AXIN2: variants seen among roughly 807,000 people sequenced by gnomAD.
AXIN2 encodes the protein axin 2, also known as axin-2.
Under a neutral mutation model 74.7 loss-of-function variants are expected in AXIN2, and 21 were observed. The observed-to-expected ratio is 0.28, with a 90% CI of 0.20 to 0.40. The LOEUF is 0.40. Ranked by LOEUF, AXIN2 falls within the 10% of genes least tolerant of loss-of-function variation. The pLI, the probability that AXIN2 is intolerant of heterozygous loss-of-function variation, is 1.00. For missense variants in AXIN2, 1,144 were observed against 1,111.1 expected (o/e 1.03, Z -0.42); for synonymous variants, 532 against 454.9 (o/e 1.17, Z -2.16).
chr17:65,555,353 C>T (rs1309888012), intron 2 of AXIN2, among the ~76,000 whole-genome samples: 2 of 152,102 alleles, frequency 1.3e-5, no homozygotes, highest in Non-Finnish European at 2.9e-5. Flanking sequence ...AAGGGGGGAA[C>T]TTAAACCTTA....
intron 8 of AXIN2, 83 bp downstream of exon 8, chr17:65,536,233 AAGAG>A (rs1165791889): frequency 1.1e-5 from 15 of 1,370,376 alleles, no homozygotes; most frequent in Non-Finnish European, 1.5e-5. Flanking sequence ...CCCAGGCAGA[AAGAG>A]AGGCCCTCCC....
intron 10 of AXIN2, among the ~76,000 whole-genome samples, chr17:65,530,975 C>A (rs541421381): frequency 6.6e-6 from 1 of 152,352 alleles, no homozygotes; most frequent in East Asian, 1.9e-4. Flanking sequence ...AGGCCCACCC[C>A]TAAACCCCTT....
intron 2 of AXIN2, among the ~76,000 whole-genome samples, chr17:65,551,098 G>C (rs1329683270): frequency 6.6e-6 from 1 of 152,172 alleles, no homozygotes; most frequent in African/African-American, 2.4e-5. Context: ...AGTTCTCACA[G>C]AATAAAAAGC....
In AXIN2 at chr17:65,561,569, T is replaced by C. The variant is rs2044377047; in HGVS notation, c.-236A>G. On this transcript the variant is annotated 5_prime_UTR_variant, in exon 1 of 11. Transcript: ENST00000307078. ...CTGTTACTGAGTTGCCAGGACCTTA[T>C]CAAAGCGCAGCCGGCTCCAGCCGAC... The C allele has an allele frequency of 6.6e-6, 1 of 151,156 alleles. No individual in the cohort carries two copies. Among genetic ancestry groups the C allele is most frequent in the South Asian group, 1.8e-4 (1 of 5,414 alleles). 9.4% of individuals were successfully genotyped at this position (151,156 alleles called of 1,614,324 possible).
intron 10 of AXIN2, among the ~76,000 whole-genome samples, chr17:65,532,033 A>C (rs1732861420): frequency 6.6e-6 from 1 of 152,168 alleles, no homozygotes; most frequent in South Asian, 2.1e-4. Context: ...GTCCTACCCC[A>C]GGAGGACACT....
chr17:65,544,357 G>T (rs1012602076), intron 3 of AXIN2, among the ~76,000 whole-genome samples: 2 of 151,250 alleles, frequency 1.3e-5, no homozygotes, highest in South Asian at 4.2e-4. Flanking sequence ...GATTTCATAA[G>T]CACCTCATAC....
Position 65,550,867 on chromosome 17 carries a change from G to A in AXIN2, c.816-1207C>T, listed in dbSNP as rs137974968. 1.6e-3 allele frequency among the ~76,000 whole-genome samples: 247 copies of A among 152,286 alleles called. 1 individual carries two copies. The highest frequency in any genetic ancestry group is 7.1e-3 in the Admixed American group (108 of 15,302). ...CCTGGTGGGGGCATGTCACCATACTGTGGGGGTGTCATGAGGGAGGTACGC... is the reference window on the plus strand; with the variant it reads ...CCTGGTGGGGGCATGTCACCATACTATGGGGGTGTCATGAGGGAGGTACGC... On this transcript the variant is annotated intron_variant, in intron 2 of 10. Coordinates refer to ENST00000307078, the MANE Select transcript of AXIN2 (RefSeq NM_004655.4).
At chr17:65,557,700 CAACAGACCTGTCAG>C in intron 2 of AXIN2, 92 bp downstream of exon 2, 1 of 1,222,420 alleles carries the variant, frequency 8.2e-7, no homozygotes, top group South Asian at 1.3e-5. Context: ...AGTCCTAACT[CAACAGACCTGTCAG>C]TCTCTGCAGC....
chr17:65,537,790 C>T lies in AXIN2; in HGVS notation c.1246G>A (p.Gly416Arg). The T allele has an allele frequency of 6.3e-7, 1 of 1,588,636 alleles. No homozygotes were observed. Among genetic ancestry groups the T allele is most frequent in the Non-Finnish European group, 8.6e-7 (1 of 1,167,732 alleles). Reference protein sequence around the residue: ...GSELTLNSREGAPTQHPLSLL... With the variant: ...GSELTLNSRERAPTQHPLSLL... ...GAGAGGGGGTGCTGCGTGGGCGCCC[C>T]CTCCCGCGAATTGAGTGTGAGCTCG... is the stretch of plus-strand genomic sequence containing the variant. Residue 416 changes from glycine (G) to arginine (R), a missense_variant, in exon 6 of 11, where the codon GGG becomes AGG. By Grantham distance (125) the Gly-to-Arg change is moderately radical. Coordinates refer to ENST00000307078, the MANE Select transcript of AXIN2 (RefSeq NM_004655.4).
chr17:65,534,935 GA>G (rs1195741749), intron 9 of AXIN2, among the ~76,000 whole-genome samples: 1 of 147,598 alleles, frequency 6.8e-6, no homozygotes, highest in Non-Finnish European at 1.5e-5. Flanking sequence ...GTCTCAAAAA[GA>G]AAAAAAAAAG....
In AXIN2 at chr17:65,537,384, C is replaced by G; in HGVS notation, c.1652G>C (p.Cys551Ser). The part of the protein sequence containing the change: ...CFCPGGSEYY[C>S]YSKCKSHSKA... ...GGAGTGGCTTTTGCATTTCGAGTAG[C>G]AGTAATACTCGCTGCCCCCAGGGCA... The change falls in exon 6 of 11, where the codon TGC becomes TCC. Residue 551 changes from cysteine to serine, a missense_variant. This residue lies in a region of AXIN2 where 1,053 missense variants were observed against 973.5 expected (regional missense o/e 1.08). Transcript: ENST00000307078. The G allele has an allele frequency of 1.2e-6, 2 of 1,614,080 alleles. No individual in the cohort carries two copies. The highest frequency in any genetic ancestry group is 1.7e-6 in the Non-Finnish European group (2 of 1,180,022).
chr17:65,550,264 G>A (rs2044172293), intron 2 of AXIN2, among the ~76,000 whole-genome samples: 1 of 152,120 alleles, frequency 6.6e-6, no homozygotes, highest in African/African-American at 2.4e-5. Context: ...TCCCACCTGT[G>A]AGCTCTGCCA....
rs1272971600 is a variant in AXIN2, at chr17:65,557,916, A to G, written c.705T>C (p.Thr235=). The change falls in exon 2 of 11, where the codon ACT becomes ACC. Residue 235 remains threonine, a synonymous_variant. Coordinates refer to ENST00000307078, the MANE Select transcript of AXIN2 (RefSeq NM_004655.4). ...LPTLNEEEEW[T]CADFKCKLSP... ...AAAGTTTGCACTTGAAGTCGGCACA[A>G]GTCCACTCCTCTTCTTCATTCAAGG... is the stretch of plus-strand genomic sequence containing the variant. 1 of 1,614,194 alleles carries G rather than the reference A, an allele frequency of 6.2e-7. No individual in the cohort carries two copies.
At chr17:65,538,539 C>T (rs1200193572) in intron 4 of AXIN2, among the ~76,000 whole-genome samples, 196 bp from the exon 5 acceptor site, 1 of 151,818 alleles carries the variant, frequency 6.6e-6, no homozygotes, top group Non-Finnish European at 1.5e-5. Flanking sequence ...ATGGTCCCCA[C>T]CAGCGTTTGC....
At chr17:65,537,151 G>A (rs1209259268) in intron 6 of AXIN2, 88 bp from the exon 7 acceptor site, 23 of 1,554,970 alleles carry the variant, frequency 1.5e-5, no homozygotes, top group South Asian at 7.9e-5. Flanking sequence ...AAGTCGGGGG[G>A]CTGGTGACAC....
Position 65,537,771 on chromosome 17 carries a change from G to A in AXIN2, c.1265C>T (p.Pro422Leu). The A allele has an allele frequency of 6.3e-7, 1 of 1,587,008 alleles. No individual in the cohort carries two copies. Among genetic ancestry groups the A allele is most frequent in the Non-Finnish European group, 8.6e-7 (1 of 1,166,408 alleles). ...GCTGCCGGAGGGCAGTAGGGAGAGG[G>A]GGTGCTGCGTGGGCGCCCCCTCCCG... The part of the protein sequence containing the change: ...NSREGAPTQH[P>L]LSLLPSGSYE... The change falls in exon 6 of 11, where the codon CCC becomes CTC. Residue 422 changes from proline (P) to leucine (L), a missense_variant. Pro to Leu is a moderately conservative substitution (Grantham distance 98). Around this residue, in one of 4 missense-constraint regions of AXIN2, gnomAD observed 1,053 missense variants for 973.5 expected, o/e 1.08. Transcript: ENST00000307078.
chr17:65,547,851 CTT>C (rs2044138110), intron 3 of AXIN2, among the ~76,000 whole-genome samples: 1 of 152,126 alleles, frequency 6.6e-6, no homozygotes, highest in Admixed American at 6.5e-5. Flanking sequence ...AAAAGAGAAA[CTT>C]TTCAAAGGGG....
At chr17:65,551,173 T>A (rs1027655454) in intron 2 of AXIN2, among the ~76,000 whole-genome samples, 1 of 151,992 alleles carries the variant, frequency 6.6e-6, no homozygotes, top group Non-Finnish European at 1.5e-5. Context: ...GAGGGACAGT[T>A]GGGGACGGCT....
chr17:65,559,798 C>T (rs2044335346), intron 1 of AXIN2, among the ~76,000 whole-genome samples: 1 of 152,238 alleles, frequency 6.6e-6, no homozygotes. Context: ...GGTGCAACCC[C>T]GGGCGAGAAG....
Sources: gnomAD v4.1 joint callset for allele counts (sites outside exome capture counted in the v4.1 genomes callset) on GRCh38, gnomAD v4.1.1 for gene constraint, gnomAD v4.1.1 regional missense constraint, MANE v1.5 for transcripts, NCBI Gene and HGNC (gene_info 2026-07-23, HGNC 2026-07-21) for gene names.